CFAP47: variants seen among roughly 807,000 people sequenced by gnomAD.
CFAP47 encodes the protein cilia and flagella associated protein 47.
A neutral mutation model predicts 148.1 loss-of-function variants in CFAP47; 29 were observed. That is an observed-to-expected ratio of 0.20 (90% CI 0.15 to 0.27). The LOEUF (loss-of-function observed/expected upper bound fraction) is 0.27. Ranked by LOEUF, CFAP47 falls within the 10% of genes least tolerant of loss-of-function variation. The pLI is 1.00. For synonymous variants in CFAP47, 664 were observed against 577.3 expected (o/e 1.15, Z -2.15); for missense variants, 1,872 against 1,697.5 (o/e 1.10, Z -1.81).
At chrX:35,979,038 C>T (rs1007943767) in intron 15 of CFAP47, among the ~76,000 whole-genome samples, 1 of 111,359 alleles carries the variant, frequency 9.0e-6, no homozygotes, top group South Asian at 3.8e-4. Flanking sequence ...AGTGCAATGG[C>T]GTCATCTCAG....
At chrX:36,336,847 GA>G (rs1445768562) in intron 57 of CFAP47, among the ~76,000 whole-genome samples, 8 of 111,700 alleles carry the variant, frequency 7.2e-5, no homozygotes, top group African/African-American at 2.6e-4. Context: ...GGTCTTCAAG[GA>G]CCCAGTGTTT....
chrX:36,250,238 A>T (rs181000600), intron 48 of CFAP47, among the ~76,000 whole-genome samples: 283 of 111,770 alleles, frequency 2.5e-3, no homozygotes, highest in African/African-American at 7.5e-3. Flanking sequence ...GTCTTAAAAC[A>T]GAAGGAAATC....
intron 33 of CFAP47, among the ~76,000 whole-genome samples, chrX:36,131,872 A>G (rs1316784609): frequency 9.0e-6 from 1 of 111,208 alleles, no homozygotes; most frequent in African/African-American, 3.3e-5. Flanking sequence ...GAGAAGTGAC[A>G]ATTAATGAGT....
At chrX:35,941,433 A>G in intron 3 of CFAP47, 35 bp downstream of exon 3, 1 of 751,740 alleles carries the variant, frequency 1.3e-6, no homozygotes, top group Non-Finnish European at 1.9e-6. Context: ...TTACACTTTT[A>G]GAAGAGTTGG....
At position 36,039,098 on chromosome X, in the gene CFAP47, C is replaced by T. The variant is rs755055950; in HGVS notation, c.3926C>T (p.Pro1309Leu). 2.7e-6 allele frequency: 3 copies of T among 1,103,400 alleles called. No homozygotes were observed. In the South Asian group the frequency reaches 5.9e-5, roughly 22 times the overall value. 90.9% of individuals were successfully genotyped at this position (1,103,400 alleles called of 1,213,427 possible). ...EVKSPELLFD[P>L]PFIFFTPVPL... Reference sequence around the variant, plus strand: ...AAATCACCAGAGTTATTGTTTGACCCTCCATTTATATTTTTCACTCCTGTT... The same window carrying T: ...AAATCACCAGAGTTATTGTTTGACCTTCCATTTATATTTTTCACTCCTGTT... Residue 1309 changes from proline to leucine, a missense_variant, in exon 25 of 64, where the codon CCT becomes CTT. Physicochemically the swap from Pro to Leu is moderately conservative, Grantham distance 98. Coordinates refer to ENST00000378653, the MANE Select transcript of CFAP47 (RefSeq NM_001304548.2).
intron 26 of CFAP47, among the ~76,000 whole-genome samples, chrX:36,060,008 T>G (rs1569245419): frequency 9.0e-6 from 1 of 111,267 alleles, no homozygotes; most frequent in Non-Finnish European, 1.9e-5. Context: ...CTGTACACAC[T>G]GGCTCTTCTT....
intron 1 of CFAP47, among the ~76,000 whole-genome samples, chrX:35,924,573 A>G (rs1278198222): frequency 3.8e-5 from 4 of 105,511 alleles, no homozygotes; most frequent in African/African-American, 1.4e-4. Context: ...ATATATGTGT[A>G]TATATGCGCA....
intron 33 of CFAP47, among the ~76,000 whole-genome samples, chrX:36,116,519 TAGTC>T (rs1262795023): frequency 1.8e-5 from 2 of 112,375 alleles, no homozygotes; most frequent in Non-Finnish European, 3.8e-5. Flanking sequence ...TACCAAGAAT[TAGTC>T]AGAGAATAAA....
At chrX:35,974,762 A>G (rs6632448) in intron 13 of CFAP47, among the ~76,000 whole-genome samples, 10,988 of 111,035 alleles carry the variant, frequency 0.099, 530 homozygotes, top group East Asian at 0.3. Flanking sequence ...AACTTAAGCA[A>G]TGGGTCATGG....
chrX:36,057,959 A>G (rs946862083), intron 26 of CFAP47, among the ~76,000 whole-genome samples: 1 of 112,011 alleles, frequency 8.9e-6, no homozygotes, highest in African/African-American at 3.2e-5. Context: ...GTGTACATAA[A>G]GAAGCATCAA....
intron 39 of CFAP47, among the ~76,000 whole-genome samples, chrX:36,173,291 C>A (rs1361918699): frequency 8.9e-6 from 1 of 111,746 alleles, no homozygotes; most frequent in Non-Finnish European, 1.9e-5. Flanking sequence ...TCTTTTGTCT[C>A]TATTTCCTTC....
intron 45 of CFAP47, among the ~76,000 whole-genome samples, chrX:36,225,902 A>C (rs1940264591): frequency 9.0e-6 from 1 of 111,128 alleles, no homozygotes; most frequent in African/African-American, 3.3e-5. Flanking sequence ...GTGATCCCAA[A>C]GCATAGGTAG....
Position 36,353,509 on chromosome X carries a change from G to A in CFAP47, c.8699-20G>A. 8.7e-7 allele frequency: 1 copy of A among 1,151,465 alleles called. No individual in the cohort carries two copies. The highest frequency in any genetic ancestry group is 1.2e-6 in the Non-Finnish European group (1 of 861,837). 94.9% of individuals were successfully genotyped at this position (1,151,465 alleles called of 1,213,427 possible). A position where few individuals can be genotyped will look rare whatever the true frequency, so the allele number is the denominator to read the frequency against. ...TATCACCTACAAGTCAAGTTAACTG[G>A]AAATATTTCTCTCCTGCAGTTGTCA... On this transcript the variant is annotated intron_variant, in intron 59 of 63. Coordinates refer to ENST00000378653, the MANE Select transcript of CFAP47 (RefSeq NM_001304548.2).
At chrX:36,375,294 T>G (rs1261515431) in intron 62 of CFAP47, 5 of 162,897 alleles carry the variant, frequency 3.1e-5, no homozygotes, top group Non-Finnish European at 5.7e-5. Flanking sequence ...GACCTATTGG[T>G]TGTTCAGGTG....
chrX:36,336,396 C>G (rs1323441899), intron 57 of CFAP47, among the ~76,000 whole-genome samples: 1 of 110,318 alleles, frequency 9.1e-6, no homozygotes, highest in Non-Finnish European at 1.9e-5. Context: ...TAATAAATTT[C>G]TTCTGTTCCT....
At chrX:36,358,159 C>G (rs1941799680) in intron 60 of CFAP47, among the ~76,000 whole-genome samples, 1 of 111,650 alleles carries the variant, frequency 9.0e-6, no homozygotes, top group Non-Finnish European at 1.9e-5. Flanking sequence ...CAGCCTTTGT[C>G]CTGCTTACTC....
chrX:36,148,901 A>ATGTGTGTGTG (rs60968920), intron 36 of CFAP47, among the ~76,000 whole-genome samples: 2,195 of 92,213 alleles, frequency 0.024, 51 homozygotes, highest in African/African-American at 0.064. Flanking sequence ...AACTGTATGT[A>ATGTGTGTGTG]TGTGTGTGTG....
chrX:36,157,601 G>C (rs1014377483), intron 37 of CFAP47, among the ~76,000 whole-genome samples: 3 of 110,634 alleles, frequency 2.7e-5, no homozygotes, highest in African/African-American at 9.9e-5. Context: ...TATATAATTT[G>C]TAATTTTCAC....
chrX:35,962,138 C>G (rs760749370), intron 8 of CFAP47, among the ~76,000 whole-genome samples: 1 of 111,234 alleles, frequency 9.0e-6, no homozygotes, highest in Non-Finnish European at 1.9e-5. Context: ...ACATTTTCTT[C>G]TCTTATTGAT....
Sources: gnomAD v4.1 joint callset for allele counts (sites outside exome capture counted in the v4.1 genomes callset) on GRCh38, gnomAD v4.1.1 for gene constraint, MANE v1.5 for transcripts, NCBI Gene and HGNC (gene_info 2026-07-23, HGNC 2026-07-21) for gene names.